Variants in RANBP2 observed in about 807,000 individuals in gnomAD.
The protein encoded by RANBP2 is E3 SUMO-protein ligase RanBP2.
Under a neutral mutation model 303.6 loss-of-function variants are expected in RANBP2, and 57 were observed. The observed-to-expected ratio is 0.19, with a 90% confidence interval of 0.15 to 0.23. The LOEUF (loss-of-function observed/expected upper bound fraction) is 0.23. Ranked by LOEUF, RANBP2 falls within the 10% of genes least tolerant of loss-of-function variation. The probability of loss-of-function intolerance (pLI) is 1.00; values close to 1 mark genes in which losing one functional copy is unlikely to be tolerated. For synonymous variants in RANBP2, 1,167 were observed against 1,301.5 expected (o/e 0.90, Z 2.23); for missense variants, 3,138 against 3,780.8 (o/e 0.83, Z 4.46).
intron 4 of RANBP2, chr2:108,731,924 C>G (rs1010428297): frequency 6.5e-5 from 12 of 185,496 alleles, no homozygotes; most frequent in Admixed American, 2.7e-4. Flanking sequence ...GGTGGTTTCT[C>G]TAGTATATAA....
At chr2:109,706,321 T>C in the RANBP2 span, among the ~76,000 whole-genome samples, 13 of 152,240 alleles carry the variant, frequency 8.5e-5, no homozygotes, top group African/African-American at 2.7e-4. Flanking sequence ...GCCACGTGAC[T>C]TCTCCAGTGT....
At chr2:109,156,298 T>A in the RANBP2 span, among the ~76,000 whole-genome samples, 1 of 152,212 alleles carries the variant, frequency 6.6e-6, no homozygotes, top group Non-Finnish European at 1.5e-5. Context: ...ATCTTCAGTG[T>A]TTTCTCCGCC....
At chr2:109,655,254 T>C in the RANBP2 span, among the ~76,000 whole-genome samples, 1 of 152,184 alleles carries the variant, frequency 6.6e-6, no homozygotes, top group Admixed American at 6.5e-5. Context: ...GGCCATGAAC[T>C]ATGTGTCTCC....
At chr2:109,411,892 A>G in the RANBP2 span, among the ~76,000 whole-genome samples, 1 of 152,228 alleles carries the variant, frequency 6.6e-6, no homozygotes, top group Non-Finnish European at 1.5e-5. Flanking sequence ...TTGCCATATC[A>G]AGTGTCAGCT....
At chr2:109,242,270 C>A in the RANBP2 span, among the ~76,000 whole-genome samples, 2 of 152,124 alleles carry the variant, frequency 1.3e-5, no homozygotes, top group Admixed American at 6.5e-5. Flanking sequence ...GGCATGGGTT[C>A]CCCCTAGCAG....
the RANBP2 span, among the ~76,000 whole-genome samples, chr2:109,583,640 A>G: frequency 6.6e-6 from 1 of 152,224 alleles, no homozygotes; most frequent in South Asian, 2.1e-4. Flanking sequence ...AACTTGGAAT[A>G]TATCCAAAAG....
rs946357700 is a variant in RANBP2 at position 108,782,755 on chromosome 2, A to T, written c.9262A>T (p.Ile3088Phe). 4 of 1,614,104 alleles carry T rather than the reference A, an allele frequency of 2.5e-6. No individual in the cohort carries two copies. In the African/African-American group the frequency reaches 5.3e-5, roughly 22 times the overall value. Residue 3088 changes from isoleucine (I) to phenylalanine (F), a missense_variant, in exon 28 of 29, where the codon ATT (isoleucine) becomes TTT (phenylalanine). By Grantham distance (21) the Ile-to-Phe change is conservative. This residue lies in a region of RANBP2 where 204 missense variants were observed against 228.4 expected (regional missense o/e 0.89). Coordinates refer to ENST00000283195, the MANE Select transcript of RANBP2 (RefSeq NM_006267.5). ...GRITMELFSN[I>F]VPRTAENFRA... Reference sequence around the variant, plus strand: ...GATAACTATGGAATTATTTTCAAACATTGTTCCTCGGACTGCTGAGAACTT... The same window carrying T: ...GATAACTATGGAATTATTTTCAAACTTTGTTCCTCGGACTGCTGAGAACTT...
the RANBP2 span, among the ~76,000 whole-genome samples, chr2:109,249,470 T>TTTCC: frequency 4.4e-4 from 7 of 16,070 alleles, no homozygotes; most frequent in East Asian, 0.02. Context: ...TCTCTTTCTC[T>TTTCC]TTCTTTCTTT....
chr2:108,741,125 C>T (rs1228840902), intron 7 of RANBP2, among the ~76,000 whole-genome samples: 1 of 152,076 alleles, frequency 6.6e-6, no homozygotes, highest in African/African-American at 2.4e-5. Context: ...ATGTATATAA[C>T]ATTTATGACT....
At chr2:109,413,871 T>C in the RANBP2 span, among the ~76,000 whole-genome samples, 3 of 152,182 alleles carry the variant, frequency 2.0e-5, no homozygotes, top group Non-Finnish European at 4.4e-5. Context: ...GTCTTCCGCA[T>C]CCCATGAGTG....
At chr2:108,780,159 G>A (rs1678142462) in intron 25 of RANBP2, among the ~76,000 whole-genome samples, 1 of 150,684 alleles carries the variant, frequency 6.6e-6, no homozygotes, top group Non-Finnish European at 1.5e-5. Flanking sequence ...TCAACAGTAT[G>A]AGTTGAATTT....
the RANBP2 span, among the ~76,000 whole-genome samples, chr2:109,442,547 CA>C: frequency 3.3e-5 from 5 of 151,932 alleles, no homozygotes; most frequent in African/African-American, 1.2e-4. Flanking sequence ...ATTTAAAACT[CA>C]AAAGCAAAAT....
chr2:108,932,300 G>A, the RANBP2 span, among the ~76,000 whole-genome samples: 6 of 151,946 alleles, frequency 3.9e-5, no homozygotes, highest in Admixed American at 1.3e-4. Flanking sequence ...AGGCTGAGAC[G>A]GGCGGATCAC....
chr2:108,903,225 G>T, the RANBP2 span, among the ~76,000 whole-genome samples: 6,227 of 151,892 alleles, frequency 0.041, 425 homozygotes, highest in African/African-American at 0.14. Flanking sequence ...CAATGCAGAT[G>T]AAAAAAAATT....
the RANBP2 span, among the ~76,000 whole-genome samples, chr2:109,708,224 A>C: frequency 6.6e-6 from 1 of 151,800 alleles, no homozygotes; most frequent in African/African-American, 2.4e-5. Context: ...TAGATGAAGA[A>C]AATTAGAACA....
At chr2:109,357,508 A>G in the RANBP2 span, among the ~76,000 whole-genome samples, 1 of 152,214 alleles carries the variant, frequency 6.6e-6, no homozygotes, top group Non-Finnish European at 1.5e-5. Flanking sequence ...CCTAGTGATG[A>G]AATGATGGAT....
the RANBP2 span, among the ~76,000 whole-genome samples, chr2:109,389,291 C>G: frequency 3.9e-5 from 6 of 152,238 alleles, no homozygotes; most frequent in East Asian, 5.8e-4. Flanking sequence ...GGTTCACACC[C>G]TGTGCAAACA....
At chr2:109,181,923 A>G in the RANBP2 span, among the ~76,000 whole-genome samples, 1 of 151,950 alleles carries the variant, frequency 6.6e-6, no homozygotes, top group Non-Finnish European at 1.5e-5. Context: ...CTGTAGTTAT[A>G]TTGCCATGGC....
At chr2:109,541,767 G>T in the RANBP2 span, among the ~76,000 whole-genome samples, 3 of 152,142 alleles carry the variant, frequency 2.0e-5, no homozygotes, top group Non-Finnish European at 4.4e-5. Flanking sequence ...CACTTCTTTG[G>T]ACGGCTCCTT....
Sources: allele counts gnomAD v4.1 joint callset (sites outside exome capture counted in the v4.1 genomes callset), GRCh38; gene constraint gnomAD v4.1.1; regional missense constraint gnomAD v4.1.1; transcripts MANE v1.5; gene names NCBI Gene and HGNC (gene_info 2026-07-23, HGNC 2026-07-21).